The following CMKLR2 variants were observed in gnomAD, a reference collection of about 807,000 sequenced individuals.
CMKLR2 encodes the protein chemerin chemokine-like receptor 2.
Under a neutral mutation model 23.0 loss-of-function variants are expected in CMKLR2, and 18 were observed. The ratio of observed to expected loss-of-function variants is 0.78; its 90% CI spans 0.54 to 1.16. The LOEUF (loss-of-function observed/expected upper bound fraction) is 1.16. Ranked by LOEUF, CMKLR2 falls within the 50% of genes most tolerant of loss-of-function variation. The probability of loss-of-function intolerance (pLI) is 0.00; values close to 1 mark genes in which losing one functional copy is unlikely to be tolerated. For missense variants in CMKLR2, 401 were observed against 412.7 expected (o/e 0.97, Z 0.25); for synonymous variants, 158 against 158.9 (o/e 0.99, Z 0.05).
At chr2:206,184,667 G>A (rs1009179078) in intron 1 of CMKLR2, among the ~76,000 whole-genome samples, 1 of 151,866 alleles carries the variant, frequency 6.6e-6, no homozygotes, top group Admixed American at 6.6e-5. Context: ...TTTTTTTGGT[G>A]GGGGAGGAGG....
At chr2:206,214,962 C>T (rs557435251), upstream of CMKLR2, among the ~76,000 whole-genome samples, 1 of 152,222 alleles carries the variant, frequency 6.6e-6, no homozygotes, top group East Asian at 1.9e-4. Flanking sequence ...TTCAGCTCAA[C>T]CATGTGATAC....
intron 1 of CMKLR2, among the ~76,000 whole-genome samples, chr2:206,180,024 A>G (rs186578648): frequency 1.6e-4 from 25 of 152,288 alleles, no homozygotes; most frequent in African/African-American, 5.3e-4. Context: ...ACCCTAGCCC[A>G]GCAACTTTTT....
chr2:206,205,914 G>A (rs1689299836), intron 1 of CMKLR2, among the ~76,000 whole-genome samples: 1 of 152,008 alleles, frequency 6.6e-6, no homozygotes, highest in Admixed American at 6.6e-5. Flanking sequence ...GGTCAGGCTG[G>A]TCTCGAACTC....
intron 1 of CMKLR2, among the ~76,000 whole-genome samples, chr2:206,188,524 C>T (rs1048395057): frequency 6.6e-6 from 1 of 152,224 alleles, no homozygotes; most frequent in Non-Finnish European, 1.5e-5. Flanking sequence ...AGCCACTTAA[C>T]CTCCAAGCTG....
intron 1 of CMKLR2, among the ~76,000 whole-genome samples, chr2:206,197,035 G>A (rs1038632545): frequency 1.3e-5 from 2 of 152,092 alleles, no homozygotes; most frequent in Admixed American, 6.6e-5. Flanking sequence ...TCAGCCTTCC[G>A]AGTAGCTGGG....
chr2:206,177,097 G>A lies in CMKLR2; in HGVS notation c.151C>T (p.Leu51=). 6.2e-7 allele frequency: 1 copy of A among 1,614,162 alleles called. No individual in the cohort carries two copies. Among genetic ancestry groups the A allele is most frequent in the Non-Finnish European group, 8.5e-7 (1 of 1,180,036 alleles). The change falls in exon 2 of 2, where the codon CTG becomes TTG. Residue 51 remains leucine, a synonymous_variant. Transcript: ENST00000621141. ...SLVLYCLAFV[L]GIPGNAIVIW... ...ACGATGGCATTTCCTGGAATTCCCA[G>A]AACAAAAGCCAAACAATATAACACC... is the stretch of plus-strand genomic sequence containing the variant.
In CMKLR2 at chr2:206,175,558, T is replaced by C. The variant is rs1688178457; in HGVS notation, c.*622A>G. On this transcript the variant is annotated 3_prime_UTR_variant, in exon 2 of 2. Transcript: ENST00000621141. ...TGTTGCCCAGGCTGGAGTGCAATGG[T>C]GTGATGTTGGCTCACCACAACCTCT... The C allele has an allele frequency of 6.6e-6, 1 of 152,208 alleles. No individual in the cohort carries two copies. Among genetic ancestry groups the C allele is most frequent in the Non-Finnish European group, 1.5e-5 (1 of 68,052 alleles). The allele number at this position is 152,208 out of a possible 1,614,324, so 9.4% of individuals were successfully genotyped here. A position where few individuals can be genotyped will look rare whatever the true frequency, so the allele number is the denominator to read the frequency against.
intron 1 of CMKLR2, among the ~76,000 whole-genome samples, chr2:206,189,863 A>G (rs1254922126): frequency 6.6e-6 from 1 of 152,144 alleles, no homozygotes; most frequent in Non-Finnish European, 1.5e-5. Context: ...TCCACTGTCA[A>G]ACATAAACTA....
At chr2:206,204,669 C>A (rs1689247364) in intron 1 of CMKLR2, among the ~76,000 whole-genome samples, 1 of 152,112 alleles carries the variant, frequency 6.6e-6, no homozygotes, top group Non-Finnish European at 1.5e-5. Context: ...AGCAATTCCT[C>A]TGCCCTCAGC....
chr2:206,204,903 GAGTTT>G (rs1689256409), intron 1 of CMKLR2, among the ~76,000 whole-genome samples: 1 of 152,148 alleles, frequency 6.6e-6, no homozygotes, highest in Non-Finnish European at 1.5e-5. Flanking sequence ...TCCACCAAAG[GAGTTT>G]ATTTATTTTG....
chr2:206,179,374 C>CTTT (rs1178241566), intron 1 of CMKLR2, among the ~76,000 whole-genome samples: 19 of 76,206 alleles, frequency 2.5e-4, no homozygotes, highest in Non-Finnish European at 3.2e-4. Flanking sequence ...CGCACCCAGC[C>CTTT]TTTTTTTTTT....
intron 1 of CMKLR2, among the ~76,000 whole-genome samples, chr2:206,205,253 G>T (rs1689268536): frequency 6.6e-6 from 1 of 152,220 alleles, no homozygotes. Context: ...AAGGCTGAAA[G>T]ATGTGTGCAT....
chr2:206,211,127 T>C (rs1472219811), intron 1 of CMKLR2, among the ~76,000 whole-genome samples: 1 of 152,132 alleles, frequency 6.6e-6, no homozygotes, highest in Non-Finnish European at 1.5e-5. Context: ...AAGGCTTTTC[T>C]TTTCCTTTCT....
At chr2:206,181,842 C>T (rs1688422775) in intron 1 of CMKLR2, among the ~76,000 whole-genome samples, 1 of 148,902 alleles carries the variant, frequency 6.7e-6, no homozygotes, top group South Asian at 2.1e-4. Context: ...ATCCCAGCTG[C>T]TTGGGAGGCT....
chr2:206,176,142 A>G lies in CMKLR2; in HGVS notation c.*38T>C. 3 of 1,438,430 alleles carry G rather than the reference A, an allele frequency of 2.1e-6. No homozygotes were observed. The highest frequency in any genetic ancestry group is 2.8e-6 in the Non-Finnish European group (3 of 1,056,360). The allele number at this position is 1,438,430 out of a possible 1,614,324, so 89.1% of individuals were successfully genotyped here. On this transcript the variant is annotated 3_prime_UTR_variant, in exon 2 of 2. Transcript: ENST00000621141. ...TGAAAGCATCAGTCAGAGGACCCAC[A>G]TAAAAAGCCATATACTGATTTGTGG...
At chr2:206,181,928 G>A (rs995265589) in intron 1 of CMKLR2, among the ~76,000 whole-genome samples, 4 of 135,158 alleles carry the variant, frequency 3.0e-5, no homozygotes, top group African/African-American at 1.2e-4. Flanking sequence ...TCCAGCCTGG[G>A]TAACAAGAGC....
intron 1 of CMKLR2, among the ~76,000 whole-genome samples, chr2:206,190,959 T>C (rs1275593290): frequency 6.6e-6 from 1 of 152,244 alleles, no homozygotes; most frequent in African/African-American, 2.4e-5. Context: ...CTAACTTGTA[T>C]AATCTGTATG....
intron 1 of CMKLR2, among the ~76,000 whole-genome samples, chr2:206,209,984 G>A (rs1271041138): frequency 7.3e-6 from 1 of 137,888 alleles, no homozygotes; most frequent in African/African-American, 2.7e-5. Context: ...TTTTTTCAGA[G>A]ACAGAGTCTC....
intron 1 of CMKLR2, among the ~76,000 whole-genome samples, chr2:206,212,946 T>C (rs1438554050): frequency 6.6e-6 from 1 of 152,246 alleles, no homozygotes; most frequent in African/African-American, 2.4e-5. Context: ...TGACTATTTC[T>C]AGATCACAAC....
Sources: allele counts gnomAD v4.1 joint callset (sites outside exome capture counted in the v4.1 genomes callset), GRCh38; gene constraint gnomAD v4.1.1; transcripts MANE v1.5; gene names NCBI Gene and HGNC (gene_info 2026-07-23, HGNC 2026-07-21).